The following ST13 variants were observed in gnomAD, a reference collection of about 807,000 sequenced individuals.
ST13 encodes the protein ST13 Hsp70 interacting protein, also known as hsc70-interacting protein.
ST13 carries 23 observed loss-of-function variants against 56.7 expected under a neutral mutation model. The observed-to-expected ratio is 0.41, with a 90% CI of 0.29 to 0.57. ST13 has a LOEUF of 0.57. Among genes scored for constraint, ST13 ranks in the 20% least tolerant of loss-of-function variants. The pLI, the probability that ST13 is intolerant of heterozygous loss-of-function variation, is 0.36. For synonymous variants in ST13, 132 were observed against 142.4 expected, an observed-to-expected ratio of 0.93 and a Z score of 0.52; for missense variants, 369 against 459.9, an observed-to-expected ratio of 0.80 and a Z score of 1.81.
chr22:40,831,291 G>A (rs1056128737), intron 8 of ST13, among the ~76,000 whole-genome samples: 6 of 152,160 alleles, frequency 3.9e-5, no homozygotes, highest in Non-Finnish European at 7.4e-5. Flanking sequence ...GGTTTCAGAC[G>A]GACAGCTGAA....
At chr22:40,849,025 G>A (rs1261801539) in intron 2 of ST13, among the ~76,000 whole-genome samples, 1 of 152,126 alleles carries the variant, frequency 6.6e-6, no homozygotes, top group African/African-American at 2.4e-5. Flanking sequence ...TCCCATTGCA[G>A]GATAGTCTCT....
At chr22:40,827,021 C>A in intron 11 of ST13, 75 bp downstream of exon 11, 1 of 1,504,140 alleles carries the variant, frequency 6.6e-7, no homozygotes, top group Non-Finnish European at 9.0e-7. Flanking sequence ...ATGAGAGTAA[C>A]CTTTGTCTCC....
intron 1 of ST13, among the ~76,000 whole-genome samples, chr22:40,852,124 C>T (rs551769307): frequency 6.6e-6 from 1 of 152,308 alleles, no homozygotes; most frequent in South Asian, 2.1e-4. Flanking sequence ...AGGGTATGTG[C>T]AGGCTGAATT....
intron 7 of ST13, among the ~76,000 whole-genome samples, chr22:40,833,266 A>T (rs184966799): frequency 2.1e-4 from 32 of 152,260 alleles, no homozygotes; most frequent in Admixed American, 1.9e-3. Context: ...ACCTGAATAC[A>T]AACAGAAATA....
chr22:40,840,975 C>T (rs1177094288), intron 4 of ST13, among the ~76,000 whole-genome samples: 2 of 152,114 alleles, frequency 1.3e-5, no homozygotes, highest in Non-Finnish European at 2.9e-5. Context: ...CCTAGCTATC[C>T]ATAAATATTA....
In ST13 at chr22:40,848,379, G is replaced by A. The variant is rs1384193325; in HGVS notation, c.169-10C>T. 4.4e-6 allele frequency: 7 copies of A among 1,583,580 alleles called. No homozygotes were observed. Among genetic ancestry groups the A allele is most frequent in the Middle Eastern group, 1.7e-4 (1 of 5,868 alleles). On this transcript the variant is annotated splice_polypyrimidine_tract_variant and intron_variant, in intron 2 of 11. Transcript: ENST00000216218. ...TATCAGGTTTTTCTTCCTAGCAAAG[G>A]GAAGACAAACAGTACTATCAGTATT...
intron 4 of ST13, 126 bp from the exon 5 acceptor site, chr22:40,840,818 G>T (rs1271251297): frequency 2.9e-6 from 2 of 701,564 alleles, no homozygotes; most frequent in Admixed American, 3.1e-5. Context: ...AGTCTCCAGA[G>T]AACAAAGAGA....
chr22:40,854,778 CT>C (rs1452542891), intron 1 of ST13, among the ~76,000 whole-genome samples: 9 of 152,316 alleles, frequency 5.9e-5, no homozygotes, highest in African/African-American at 2.2e-4. Flanking sequence ...ACTGCAGGTT[CT>C]TTCCTATAAT....
rs552710540 is a variant in ST13 at position 40,824,948 on chromosome 22, T to C, written c.*1590A>G. The C allele has an allele frequency of 9.2e-5, 14 of 152,300 alleles. No homozygotes were observed. The South Asian group carries it at 2.7e-3, about 29-fold the overall frequency. 9.4% of individuals were successfully genotyped at this position (152,300 alleles called of 1,614,324 possible). A position where few individuals can be genotyped will look rare whatever the true frequency, so the allele number is the denominator to read the frequency against. On this transcript the variant is annotated 3_prime_UTR_variant, in exon 12 of 12. Coordinates refer to ENST00000216218, the MANE Select transcript of ST13 (RefSeq NM_003932.5). ...TTTCAGAAATGTGGTATTTTAGAAA[T>C]GTACTCCATAGAATTTACTTCACTG...
In ST13 at chr22:40,840,400, G is replaced by A. The variant is rs142910554; in HGVS notation, c.382+226C>T. Among the ~76,000 whole-genome samples the A allele has an allele frequency of 2.6e-3, 384 of 149,656 alleles. 3 individuals are homozygous for A. Among genetic ancestry groups the A allele is most frequent in the African/African-American group, 8.8e-3 (357 of 40,500 alleles). Reference sequence around the variant, plus strand: ...CCTCTTCTCAGCAGAAAAACACCACGATAGGGTCAGGAAATCAGAGACACT... The same window carrying A: ...CCTCTTCTCAGCAGAAAAACACCACAATAGGGTCAGGAAATCAGAGACACT... On this transcript the variant is annotated intron_variant, in intron 5 of 11. Coordinates refer to ENST00000216218, the MANE Select transcript of ST13 (RefSeq NM_003932.5).
chr22:40,836,014 T>A, intron 5 of ST13, 127 bp from the exon 6 acceptor site: 3 of 714,278 alleles, frequency 4.2e-6, no homozygotes, highest in Non-Finnish European at 4.5e-6. Flanking sequence ...AAAAGACAAC[T>A]AAGTTATACT....
intron 10 of ST13, among the ~76,000 whole-genome samples, chr22:40,828,749 T>G (rs1285553948): frequency 6.6e-6 from 1 of 152,182 alleles, no homozygotes; most frequent in Non-Finnish European, 1.5e-5. Flanking sequence ...AATTAAAATA[T>G]GGCCATTAAT....
chr22:40,841,230 C>T (rs2057803149), intron 4 of ST13, among the ~76,000 whole-genome samples: 1 of 149,476 alleles, frequency 6.7e-6, no homozygotes, highest in Non-Finnish European at 1.5e-5. Flanking sequence ...ACAAGCTGGG[C>T]ATGGTGGCAC....
intron 10 of ST13, among the ~76,000 whole-genome samples, chr22:40,828,381 G>A (rs1463575165): frequency 6.6e-6 from 1 of 151,342 alleles, no homozygotes; most frequent in Non-Finnish European, 1.5e-5. Context: ...GAGGCGGGCA[G>A]ATCACGAGGT....
intron 1 of ST13, chr22:40,854,606 A>G (rs1569007264): frequency 6.6e-6 from 1 of 152,178 alleles, no homozygotes; most frequent in Non-Finnish European, 1.5e-5. Context: ...GTTCTTACAC[A>G]TGCTTTTAAT....
chr22:40,845,984 T>A (rs79325436), intron 3 of ST13, among the ~76,000 whole-genome samples: 3,714 of 152,252 alleles, frequency 0.024, 188 homozygotes, highest in East Asian at 0.2. Flanking sequence ...TTGCCGAGGT[T>A]GGAGTGCAGT....
chr22:40,847,778 G>A (rs2057839962), intron 3 of ST13, among the ~76,000 whole-genome samples: 2 of 152,110 alleles, frequency 1.3e-5, no homozygotes, highest in Admixed American at 6.5e-5. Flanking sequence ...GCCAGGTGCA[G>A]TGGCTCACGC....
chr22:40,844,967 C>A, intron 3 of ST13, 58 bp from the exon 4 acceptor site: 1 of 1,235,002 alleles, frequency 8.1e-7, no homozygotes, highest in South Asian at 1.4e-5. Flanking sequence ...GTAGCCACTC[C>A]CAAGATTATT....
At position 40,846,699 on chromosome 22, in the gene ST13, T is replaced by C. The variant is rs181837716; in HGVS notation, c.244+1595A>G. Among the ~76,000 whole-genome samples, 836 of 152,266 alleles carry C rather than the reference T, an allele frequency of 5.5e-3. 4 individuals are homozygous for C. Among genetic ancestry groups the C allele is most frequent in the Non-Finnish European group, 8.1e-3 (550 of 68,010 alleles). The stretch of plus-strand genomic sequence containing the variant: ...GTAAGACCTCTAATGATATCAAAGA[T>C]AATTTGATTCAGGCCAGGCGTGGTG... On this transcript the variant is annotated intron_variant, in intron 3 of 11. Coordinates refer to ENST00000216218, the MANE Select transcript of ST13 (RefSeq NM_003932.5).
Sources: allele counts gnomAD v4.1 joint callset (sites outside exome capture counted in the v4.1 genomes callset), GRCh38; gene constraint gnomAD v4.1.1; transcripts MANE v1.5; gene names NCBI Gene and HGNC (gene_info 2026-07-23, HGNC 2026-07-21).